The following DIAPH3 variants were observed in gnomAD, a reference collection of about 807,000 sequenced individuals.
The protein encoded by DIAPH3 is protein diaphanous homolog 3.
In DIAPH3, 117 loss-of-function variants were observed where a neutral mutation model predicts 144.3. That is an observed-to-expected ratio of 0.81 (90% CI 0.70 to 0.95). The LOEUF (loss-of-function observed/expected upper bound fraction) is 0.95. Ranked by LOEUF, DIAPH3 falls within the 40% of genes least tolerant of loss-of-function variation. The probability of loss-of-function intolerance (pLI) is 0.00; values close to 1 mark genes in which losing one functional copy is unlikely to be tolerated. For missense variants in DIAPH3, 1,421 were observed against 1,412.7 expected (o/e 1.01, Z -0.09); for synonymous variants, 519 against 488.9 (o/e 1.06, Z -0.81).
At chr13:59,893,827 A>G (rs986759128) in intron 20 of DIAPH3, among the ~76,000 whole-genome samples, 32 of 152,154 alleles carry the variant, frequency 2.1e-4, no homozygotes, top group Non-Finnish European at 1.5e-5. Flanking sequence ...AGTTTAATCT[A>G]TGCGATTTTA....
At chr13:60,002,767 G>A (rs1368113034) in intron 9 of DIAPH3, among the ~76,000 whole-genome samples, 2 of 152,108 alleles carry the variant, frequency 1.3e-5, no homozygotes, top group African/African-American at 4.8e-5. Flanking sequence ...AATGCTCTAG[G>A]ATTCCCATGT....
At chr13:59,876,659 T>C (rs953917482) in intron 21 of DIAPH3, among the ~76,000 whole-genome samples, 2 of 152,184 alleles carry the variant, frequency 1.3e-5, no homozygotes, top group Non-Finnish European at 2.9e-5. Flanking sequence ...TCCTACCTCA[T>C]TAATCACACC....
At chr13:59,919,167 C>T (rs996424278) in intron 18 of DIAPH3, among the ~76,000 whole-genome samples, 2 of 151,790 alleles carry the variant, frequency 1.3e-5, no homozygotes, top group African/African-American at 4.8e-5. Flanking sequence ...ATGAAGAAAA[C>T]GTGAAATTTA....
chr13:59,826,180 G>A (rs1373867169), intron 24 of DIAPH3, among the ~76,000 whole-genome samples: 1 of 150,856 alleles, frequency 6.6e-6, no homozygotes, highest in Non-Finnish European at 1.5e-5. Context: ...GTTCTGGCCA[G>A]GGCAATTAGG....
At position 59,833,186 on chromosome 13, in the gene DIAPH3, C is replaced by T. The variant is rs753441646; in HGVS notation, c.2948G>A (p.Gly983Glu). 2 of 1,610,334 alleles carry T rather than the reference C, an allele frequency of 1.2e-6. No individual in the cohort carries two copies. The highest frequency in any genetic ancestry group is 1.7e-6 in the Non-Finnish European group (2 of 1,177,790). ...NMEKLYQSII[G>E]YYAIDVKKVS... ...CTTCTTCACATCAATGGCATAGTAT[C>T]CTATTATACTCTGGTATAACTTTTC... Residue 983 changes from glycine to glutamate, a missense_variant, in exon 24 of 28, where the codon GGA becomes GAA. Gly to Glu is a moderately conservative substitution (Grantham distance 98). Transcript: ENST00000400324.
At chr13:60,003,097 C>T (rs2052616486) in intron 9 of DIAPH3, among the ~76,000 whole-genome samples, 1 of 152,070 alleles carries the variant, frequency 6.6e-6, no homozygotes, top group African/African-American at 2.4e-5. Flanking sequence ...TTTGGTTCTC[C>T]TGGGGCAACT....
intron 17 of DIAPH3, among the ~76,000 whole-genome samples, chr13:59,931,464 T>C (rs1324010): frequency 0.63 from 96,059 of 151,520 alleles, 31,261 homozygotes; most frequent in African/African-American, 0.72. Flanking sequence ...ATCACCATTG[T>C]TCTGACTTTT....
At chr13:60,077,878 ACT>A (rs2057428849) in intron 4 of DIAPH3, among the ~76,000 whole-genome samples, 1 of 151,978 alleles carries the variant, frequency 6.6e-6, no homozygotes. Context: ...CAAGTAAGCA[ACT>A]CTCTATCATT....
chr13:59,751,390 A>G (rs1283693778), intron 27 of DIAPH3, among the ~76,000 whole-genome samples: 1 of 152,248 alleles, frequency 6.6e-6, no homozygotes, highest in Admixed American at 6.5e-5. Context: ...AACAAATATC[A>G]TTATGGATCC....
intron 9 of DIAPH3, among the ~76,000 whole-genome samples, chr13:59,993,720 A>AAAAAAAAC (rs1463653492): frequency 2.0e-5 from 3 of 150,404 alleles, no homozygotes; most frequent in Non-Finnish European, 4.4e-5. Context: ...AAAAAAAAAA[A>AAAAAAAAC]AACTTAACAG....
intron 1 of DIAPH3, 108 bp from the exon 2 acceptor site, chr13:60,133,097 T>C: frequency 1.3e-6 from 1 of 743,120 alleles, no homozygotes; most frequent in Non-Finnish European, 2.2e-6. Context: ...TATAATTAAA[T>C]TTCTGACAGT....
At chr13:59,701,994 C>A (rs2034136433) in intron 27 of DIAPH3, among the ~76,000 whole-genome samples, 1 of 152,164 alleles carries the variant, frequency 6.6e-6, no homozygotes, top group Non-Finnish European at 1.5e-5. Flanking sequence ...TAATATCAAT[C>A]CCTGAAGAAA....
chr13:59,981,810 T>G (rs960609816), intron 13 of DIAPH3, among the ~76,000 whole-genome samples: 8 of 151,508 alleles, frequency 5.3e-5, no homozygotes, highest in Non-Finnish European at 8.9e-5. Context: ...TGGTGGTTAG[T>G]TTCTTAACTG....
chr13:59,999,568 T>C (rs934412364), intron 9 of DIAPH3, among the ~76,000 whole-genome samples: 2 of 152,124 alleles, frequency 1.3e-5, no homozygotes, highest in African/African-American at 4.8e-5. Flanking sequence ...ATCACAGCAT[T>C]TGAATTGAAG....
intron 4 of DIAPH3, among the ~76,000 whole-genome samples, chr13:60,075,419 A>G (rs2057348065): frequency 6.6e-6 from 1 of 152,020 alleles, no homozygotes; most frequent in Non-Finnish European, 1.5e-5. Context: ...AAAAGTTTTT[A>G]GTTGTATTAG....
At chr13:60,104,459 T>C (rs1269955817) in intron 3 of DIAPH3, among the ~76,000 whole-genome samples, 2 of 151,704 alleles carry the variant, frequency 1.3e-5, no homozygotes, top group East Asian at 3.9e-4. Flanking sequence ...GATAATGAAC[T>C]CATAAACACT....
In DIAPH3 at chr13:59,762,052, C is replaced by CTTT. The variant is rs35387511; in HGVS notation, c.3319+12134_3319+12136dup. ...GCACCCAAGATGAAAGCGTCAGCAT[C>CTTT]TTTTTTTTTTTTTTTTTTTTTTTTT... On this transcript the variant is annotated intron_variant, in intron 27 of 27. Transcript: ENST00000400324. Among the ~76,000 whole-genome samples, 79 of 59,516 alleles carry CTTT rather than the reference C, an allele frequency of 1.3e-3. 4 individuals carry two copies. The highest frequency in any genetic ancestry group is 0.01 in the East Asian group (20 of 1,946). 39.0% of individuals were successfully genotyped at this position (59,516 alleles called of 152,430 possible). A position where few individuals can be genotyped will look rare whatever the true frequency, so the allele number is the denominator to read the frequency against.
rs376268556 is a variant in DIAPH3 at position 59,898,831 on chromosome 13, T to C, written c.2367+12904A>G. 9.2e-5 allele frequency among the ~76,000 whole-genome samples: 14 copies of C among 152,292 alleles called. No individual in the cohort carries two copies. In the East Asian group the frequency reaches 1.7e-3, roughly 19 times the overall value. Reference sequence around the variant, plus strand: ...GTTTGGATTGAAGGATGCAAAGTATTGTTCCTGGGTATGTCTTGAGGGTGT... The same window carrying C: ...GTTTGGATTGAAGGATGCAAAGTATCGTTCCTGGGTATGTCTTGAGGGTGT... On this transcript the variant is annotated intron_variant, in intron 20 of 27. Coordinates refer to ENST00000400324, the MANE Select transcript of DIAPH3 (RefSeq NM_001042517.2).
At chr13:59,756,198 A>G (rs1049294210) in intron 27 of DIAPH3, among the ~76,000 whole-genome samples, 1 of 152,194 alleles carries the variant, frequency 6.6e-6, no homozygotes, top group African/African-American at 2.4e-5. Context: ...AACCAAGGCT[A>G]TAAGCTAAGA....
Sources: allele counts gnomAD v4.1 joint callset (sites outside exome capture counted in the v4.1 genomes callset), GRCh38; gene constraint gnomAD v4.1.1; transcripts MANE v1.5; gene names NCBI Gene and HGNC (gene_info 2026-07-23, HGNC 2026-07-21).